Variants in AACS observed in about 807,000 individuals in gnomAD.
AACS encodes acetoacetate-CoA ligase.
AACS carries 69 observed loss-of-function variants against 83.1 expected under a neutral mutation model. The observed-to-expected ratio is 0.83, with a 90% confidence interval of 0.68 to 1.01. The LOEUF (loss-of-function observed/expected upper bound fraction) is 1.01. Among genes scored for constraint, AACS ranks in the 50% least tolerant of loss-of-function variants. The pLI is 0.00. For synonymous variants in AACS, 333 were observed against 343.4 expected (o/e 0.97, Z 0.33); for missense variants, 866 against 882.2 (o/e 0.98, Z 0.23).
intron 8 of AACS, among the ~76,000 whole-genome samples, chr12:125,114,052 C>T (rs1957003049): frequency 6.6e-6 from 1 of 151,386 alleles, no homozygotes. Flanking sequence ...ACATCCCCCT[C>T]ACCCCGCTGT....
At position 125,073,892 on chromosome 12, in the gene AACS, G is replaced by C. The variant is rs748200310; in HGVS notation, c.150G>C (p.Leu50Phe). Residue 50 changes from leucine to phenylalanine, a missense_variant, in exon 2 of 18, where the codon TTG becomes TTC. Leu to Phe is a conservative substitution (Grantham distance 22, BLOSUM62 0). Transcript: ENST00000316519. ...CGLALESYDD[L>F]YHWSVESYSD... Reference sequence around the variant, plus strand: ...CATTTTTAGAGAGTTATGATGACTTGTACCATTGGTCCGTTGAGTCATATT... The same window carrying C: ...CATTTTTAGAGAGTTATGATGACTTCTACCATTGGTCCGTTGAGTCATATT... 1.2e-6 allele frequency: 2 copies of C among 1,613,462 alleles called. No individual in the cohort carries two copies. Among genetic ancestry groups the C allele is most frequent in the East Asian group, 2.2e-5 (1 of 44,880 alleles).
chr12:125,098,609 G>A (rs902537562), intron 5 of AACS, among the ~76,000 whole-genome samples: 4 of 151,964 alleles, frequency 2.6e-5, no homozygotes, highest in Non-Finnish European at 4.4e-5. Context: ...GCGCCACCAC[G>A]CCTGGCCAAT....
intron 7 of AACS, among the ~76,000 whole-genome samples, 199 bp downstream of exon 7, chr12:125,103,280 G>A (rs180765622): frequency 8.5e-5 from 13 of 152,300 alleles, no homozygotes; most frequent in Middle Eastern, 3.4e-3. Flanking sequence ...TGAATGAGTG[G>A]CGGAAGAGAG....
chr12:125,142,313 G>A lies in AACS; in HGVS notation c.*84G>A. On this transcript the variant is annotated 3_prime_UTR_variant, in exon 18 of 18. Transcript: ENST00000316519. ...TCAAGAAATTATACAGAAACCTACA[G>A]CTGTTGTAAAAGGATGCTCGCACCA... 6.4e-7 allele frequency: 1 copy of A among 1,556,702 alleles called. No homozygotes were observed. Among genetic ancestry groups the A allele is most frequent in the South Asian group, 1.2e-5 (1 of 85,272 alleles).
Position 125,114,486 on chromosome 12 carries a change from A to G in AACS, c.925A>G (p.Ile309Val), listed in dbSNP as rs1162402414. 6.2e-7 allele frequency: 1 copy of G among 1,613,240 alleles called. No individual in the cohort carries two copies. The highest frequency in any genetic ancestry group is 2.2e-5 in the East Asian group (1 of 44,856). ...CGTGTCTCCCCTGCAGGGCACCCTC[A>G]TCCAGCATCTGAAGGAGCACCTGCT... is the stretch of plus-strand genomic sequence containing the variant. ...CMVHSAGGTL[I>V]QHLKEHLLHG... The change falls in exon 9 of 18, where the codon ATC becomes GTC. Residue 309 changes from isoleucine to valine, a missense_variant. By Grantham distance (29) the Ile-to-Val change is conservative. Coordinates refer to ENST00000316519, the MANE Select transcript of AACS (RefSeq NM_023928.5).
intron 16 of AACS, 74 bp from the exon 17 acceptor site, chr12:125,136,588 C>A: frequency 7.6e-7 from 1 of 1,318,918 alleles, no homozygotes. Flanking sequence ...TCCTGCTCTG[C>A]CAGGTTGCTG....
At chr12:125,133,049 G>A (rs146062276) in intron 14 of AACS, among the ~76,000 whole-genome samples, 227 of 152,334 alleles carry the variant, frequency 1.5e-3, no homozygotes, top group African/African-American at 4.8e-3. Flanking sequence ...TCTTCGGGGC[G>A]TTATTGCAGG....
intron 10 of AACS, 48 bp from the exon 11 acceptor site, chr12:125,124,657 A>G: frequency 6.2e-7 from 1 of 1,606,116 alleles, no homozygotes; most frequent in Non-Finnish European, 8.5e-7. Flanking sequence ...GCTTTGGTGC[A>G]AGAGCCTTGA....
intron 3 of AACS, among the ~76,000 whole-genome samples, chr12:125,084,423 C>T (rs955055492): frequency 9.9e-5 from 15 of 151,270 alleles, no homozygotes; most frequent in South Asian, 2.1e-4. Flanking sequence ...CCTTTCTTTT[C>T]GACAGGGTCT....
At chr12:125,110,831 A>G (rs1305965550) in intron 8 of AACS, among the ~76,000 whole-genome samples, 3 of 152,204 alleles carry the variant, frequency 2.0e-5, no homozygotes, top group Admixed American at 6.5e-5. Context: ...CCCTTCCATA[A>G]AAAGGAAATA....
intron 3 of AACS, among the ~76,000 whole-genome samples, chr12:125,085,650 A>G (rs1956323724): frequency 6.6e-6 from 1 of 151,992 alleles, no homozygotes; most frequent in Non-Finnish European, 1.5e-5. Context: ...TTGCTGGTGT[A>G]CTCTGTTTAT....
At position 125,076,567 on chromosome 12, in the gene AACS, T is replaced by A; in HGVS notation, c.314T>A (p.Leu105His). ...KGSRLNYAEN[L>H]LRHKENDRVA... is the part of the protein sequence containing the mutation. ...AGTCGGCTCAACTATGCAGAAAACC[T>A]CCTGCGGCACAAAGAGAATGACAGA... Residue 105 changes from leucine (L) to histidine (H), a missense_variant, in exon 3 of 18, where the codon CTC becomes CAC. Coordinates refer to ENST00000316519, the MANE Select transcript of AACS (RefSeq NM_023928.5). 4.3e-6 allele frequency: 7 copies of A among 1,614,136 alleles called. No homozygotes were observed. The highest frequency in any genetic ancestry group is 5.9e-6 in the Non-Finnish European group (7 of 1,180,022).
At chr12:125,074,966 A>G (rs567317462) in intron 2 of AACS, among the ~76,000 whole-genome samples, 1 of 130,004 alleles carries the variant, frequency 7.7e-6, no homozygotes, top group South Asian at 2.5e-4. Flanking sequence ...GCCTGGCCAC[A>G]TTGTCATAGT....
At chr12:125,142,037 G>A in intron 17 of AACS, 55 bp from the exon 18 acceptor site, 19 of 1,607,014 alleles carry the variant, frequency 1.2e-5, no homozygotes, top group South Asian at 5.5e-5. Flanking sequence ...CCAGGGCTGC[G>A]GATTTTCCCC....
chr12:125,096,483 C>A (rs1037681298), intron 5 of AACS, among the ~76,000 whole-genome samples: 1 of 152,146 alleles, frequency 6.6e-6, no homozygotes, highest in Admixed American at 6.5e-5. Flanking sequence ...TCTGGACAGG[C>A]CCCTTACCTG....
intron 8 of AACS, among the ~76,000 whole-genome samples, chr12:125,112,088 C>T (rs1260723298): frequency 1.3e-5 from 2 of 152,178 alleles, no homozygotes; most frequent in Non-Finnish European, 2.9e-5. Context: ...TCCTAGAATC[C>T]GAGTTCCCTG....
chr12:125,117,218 C>T (rs1050184982), intron 9 of AACS, among the ~76,000 whole-genome samples: 3 of 152,016 alleles, frequency 2.0e-5, no homozygotes, highest in Non-Finnish European at 4.4e-5. Flanking sequence ...TTGGGACCAG[C>T]CTGGCCAACA....
At chr12:125,077,331 A>G (rs1192719251) in intron 3 of AACS, among the ~76,000 whole-genome samples, 1 of 151,968 alleles carries the variant, frequency 6.6e-6, no homozygotes, top group Non-Finnish European at 1.5e-5. Context: ...TAACATGGTG[A>G]AACCCCGTCT....
At chr12:125,080,334 C>A (rs1956141054) in intron 3 of AACS, among the ~76,000 whole-genome samples, 1 of 152,080 alleles carries the variant, frequency 6.6e-6, no homozygotes, top group South Asian at 2.1e-4. Flanking sequence ...TTAAAAAAAA[C>A]CCAAAAACCC....
Sources: allele counts gnomAD v4.1 joint callset (sites outside exome capture counted in the v4.1 genomes callset), GRCh38; gene constraint gnomAD v4.1.1; transcripts MANE v1.5; gene names NCBI Gene and HGNC (gene_info 2026-07-23, HGNC 2026-07-21).